Variants in DLST observed in about 807,000 individuals in gnomAD.
DLST encodes dihydrolipoamide S-succinyltransferase.
A neutral mutation model predicts 53.1 loss-of-function variants in DLST; 17 were observed. The observed-to-expected ratio is 0.32, with a 90% CI of 0.22 to 0.48. DLST has a LOEUF of 0.48. Among genes scored for constraint, DLST ranks in the 20% least tolerant of loss-of-function variants. The pLI is 0.99. For synonymous variants in DLST, 206 were observed against 204.8 expected, an observed-to-expected ratio of 1.01 and a Z score of -0.05; for missense variants, 512 against 583.9, an observed-to-expected ratio of 0.88 and a Z score of 1.27.
chr14:74,891,155 A>C lies in DLST; in HGVS notation c.430A>C (p.Arg144=), dbSNP rs760045278. ...VEGGTPLFTL[R]KTGAAPAKAK... is the part of the protein sequence containing the mutation. ...AGGAGGCACTCCACTTTTCACACTC[A>C]GGAAAACTGGTGGTAAAGAAGTTCT... Residue 144 remains arginine (R), a synonymous_variant, in exon 7 of 15, where the codon AGG becomes CGG. Transcript: ENST00000334220. 1 of 1,614,178 alleles carries C rather than the reference A, an allele frequency of 6.2e-7. No homozygotes were observed. The highest frequency in any genetic ancestry group is 8.5e-7 in the Non-Finnish European group (1 of 1,180,000).
Position 74,897,913 on chromosome 14 carries a change from G to A in DLST, c.771-456G>A, listed in dbSNP as rs147771887. On this transcript the variant is annotated intron_variant, in intron 10 of 14. Coordinates refer to ENST00000334220, the MANE Select transcript of DLST (RefSeq NM_001933.5). The stretch of plus-strand genomic sequence containing the variant: ...TCAAGAGATAGGAGGAATATCACAC[G>A]GGAGTTATACTCAGATTTGGTGGGG... Among the ~76,000 whole-genome samples, 586 of 151,580 alleles carry A rather than the reference G, an allele frequency of 3.9e-3. 4 individuals carry two copies. The highest frequency in any genetic ancestry group is 0.014 in the African/African-American group (571 of 41,270).
intron 3 of DLST, among the ~76,000 whole-genome samples, chr14:74,886,594 A>G (rs1179217567): frequency 6.6e-6 from 1 of 152,200 alleles, no homozygotes; most frequent in Non-Finnish European, 1.5e-5. Flanking sequence ...TTAGCCTCCC[A>G]AAGTGGAGGA....
chr14:74,891,293 A>C (rs989651183), intron 7 of DLST, 126 bp downstream of exon 7: 3 of 1,488,198 alleles, frequency 2.0e-6, no homozygotes, highest in Non-Finnish European at 2.7e-6. Flanking sequence ...AGTTGAGGGA[A>C]TAAGGGGTAA....
intron 3 of DLST, 94 bp from the exon 4 acceptor site, chr14:74,889,001 C>T: frequency 2.3e-6 from 3 of 1,291,718 alleles, no homozygotes; most frequent in East Asian, 2.3e-5. Flanking sequence ...TCAAGAGTCA[C>T]TGTTTAAGGG....
intron 3 of DLST, among the ~76,000 whole-genome samples, chr14:74,886,738 C>T (rs1157375920): frequency 6.6e-6 from 1 of 151,692 alleles, no homozygotes; most frequent in Non-Finnish European, 1.5e-5. Flanking sequence ...GTGTGTGTAC[C>T]TTTTCTTTTT....
At chr14:74,885,917 G>C (rs945254636) in intron 3 of DLST, 8 of 334,166 alleles carry the variant, frequency 2.4e-5, no homozygotes, top group African/African-American at 1.7e-4. Flanking sequence ...GATATAGAAG[G>C]GTGCTCCTAG....
At chr14:74,892,018 T>G (rs1883925897) in intron 7 of DLST, 1 of 268,024 alleles carries the variant, frequency 3.7e-6, no homozygotes, top group South Asian at 1.4e-4. Context: ...GATTATTACT[T>G]GGCCACTTCA....
chr14:74,888,717 A>G (rs1883792237), intron 3 of DLST, among the ~76,000 whole-genome samples: 1 of 152,178 alleles, frequency 6.6e-6, no homozygotes, highest in Non-Finnish European at 1.5e-5. Flanking sequence ...CTTAAAAAAC[A>G]AAAAACCAAA....
At chr14:74,895,161 A>G (rs1884039460) in intron 10 of DLST, among the ~76,000 whole-genome samples, 1 of 152,190 alleles carries the variant, frequency 6.6e-6, no homozygotes, top group Admixed American at 6.5e-5. Flanking sequence ...CGTCACTTAC[A>G]TATTTTCCTA....
intron 2 of DLST, among the ~76,000 whole-genome samples, chr14:74,885,096 C>G (rs534129819): frequency 6.6e-6 from 1 of 152,154 alleles, no homozygotes; most frequent in South Asian, 2.1e-4. Flanking sequence ...CAAGTCTTTG[C>G]TACTAGGATT....
intron 3 of DLST, among the ~76,000 whole-genome samples, chr14:74,888,711 A>G (rs1217778890): frequency 6.6e-6 from 1 of 152,204 alleles, no homozygotes; most frequent in Non-Finnish European, 1.5e-5. Context: ...TTATCTCTTA[A>G]AAAACAAAAA....
Position 74,893,385 on chromosome 14 carries a change from T to C in DLST, c.633T>C (p.Ala211=). The C allele has an allele frequency of 6.2e-7, 1 of 1,614,248 alleles. No individual in the cohort carries two copies. The highest frequency in any genetic ancestry group is 8.5e-7 in the Non-Finnish European group (1 of 1,180,046). The change falls in exon 9 of 15, where the codon GCT becomes GCC. Residue 211 remains alanine (A), a synonymous_variant. Coordinates refer to ENST00000334220, the MANE Select transcript of DLST (RefSeq NM_001933.5). ...AVKPTVAPPL[A]EPGAGKGLRS... ...AACCCACTGTTGCCCCACCACTAGC[T>C]GAGCCAGGAGCTGGCAAAGGTCTGC...
In DLST at chr14:74,901,146, C is replaced by G. The variant is rs1170840523; in HGVS notation, c.1140C>G (p.Leu380=). ...GCAATGGAGGCGTTTTTGGCTCGCT[C>G]TTTGGAACACCCATTATCAACCCCC... ...TISNGGVFGS[L]FGTPIINPPQ... The change falls in exon 14 of 15, where the codon CTC becomes CTG. Residue 380 remains leucine, a synonymous_variant. Coordinates refer to ENST00000334220, the MANE Select transcript of DLST (RefSeq NM_001933.5). 1 of 1,614,182 alleles carries G rather than the reference C, an allele frequency of 6.2e-7. No homozygotes were observed. The highest frequency in any genetic ancestry group is 8.5e-7 in the Non-Finnish European group (1 of 1,180,030).
chr14:74,884,120 A>G (rs781043824), intron 2 of DLST, among the ~76,000 whole-genome samples: 6 of 152,238 alleles, frequency 3.9e-5, no homozygotes, highest in Non-Finnish European at 8.8e-5. Context: ...GAGCCAAGAA[A>G]ATGTATTCCA....
At position 74,893,337 on chromosome 14, in the gene DLST, T is replaced by C; in HGVS notation, c.596-11T>C. The C allele has an allele frequency of 2.5e-6, 4 of 1,614,170 alleles. No homozygotes were observed. The highest frequency in any genetic ancestry group is 2.5e-6 in the Non-Finnish European group (3 of 1,180,012). On this transcript the variant is annotated splice_polypyrimidine_tract_variant and intron_variant, in intron 8 of 14. Coordinates refer to ENST00000334220, the MANE Select transcript of DLST (RefSeq NM_001933.5). ...TTGTCTGATGCAGCTTTATCCTCTT[T>C]TCATTTTCAGTGTCTGCAGTAAAAC...
At chr14:74,882,150 GC>G in intron 1 of DLST, 134 bp downstream of exon 1, 1 of 790,858 alleles carries the variant, frequency 1.3e-6, no homozygotes. Context: ...GGCCGCGCGG[GC>G]TGGGCGGCCC....
chr14:74,893,797 A>C (rs1044458481), intron 9 of DLST, among the ~76,000 whole-genome samples: 4 of 152,186 alleles, frequency 2.6e-5, no homozygotes, highest in Non-Finnish European at 5.9e-5. Context: ...AGCTGTAGCT[A>C]AGGGATAATA....
At chr14:74,885,905 G>T (rs989519020) in intron 3 of DLST, 4 of 375,032 alleles carry the variant, frequency 1.1e-5, no homozygotes, top group South Asian at 9.6e-5. Context: ...CTCTTTTTAT[G>T]GGATATAGAA....
chr14:74,898,621 A>C, intron 11 of DLST, 122 bp downstream of exon 11: 4 of 1,221,630 alleles, frequency 3.3e-6, no homozygotes, highest in Non-Finnish European at 4.4e-6. Flanking sequence ...TAGAAATATC[A>C]GTATCTTCCC....
Sources: gnomAD v4.1 joint callset for allele counts (sites outside exome capture counted in the v4.1 genomes callset) on GRCh38, gnomAD v4.1.1 for gene constraint, MANE v1.5 for transcripts, NCBI Gene and HGNC (gene_info 2026-07-23, HGNC 2026-07-21) for gene names.